Variants in RERE observed in about 807,000 individuals in gnomAD.
The protein encoded by RERE is arginine-glutamic acid dipeptide repeats protein.
A neutral mutation model predicts 146.1 loss-of-function variants in RERE; 40 were observed. The observed-to-expected ratio is 0.27, with a 90% CI of 0.21 to 0.36. The LOEUF (loss-of-function observed/expected upper bound fraction) is 0.36. Ranked by LOEUF, RERE falls within the 10% of genes least tolerant of loss-of-function variation. RERE has a pLI of 1.00. For synonymous variants in RERE, 1,003 were observed against 866.0 expected (o/e 1.16, Z -2.78); for missense variants, 1,933 against 2,138.7 (o/e 0.90, Z 1.90).
At chr1:8,554,678 CAAA>C (rs386366172) in intron 6 of RERE, among the ~76,000 whole-genome samples, 5,381 of 100,654 alleles carry the variant, frequency 0.053, 365 homozygotes, top group African/African-American at 0.19. Context: ...GATCCTGTCT[CAAA>C]AAAAAAAAAA....
At chr1:8,439,193 C>A (rs1644213331) in intron 11 of RERE, among the ~76,000 whole-genome samples, 1 of 152,240 alleles carries the variant, frequency 6.6e-6, no homozygotes, top group Non-Finnish European at 1.5e-5. Flanking sequence ...GAGAGAGCCA[C>A]TTGCCCACCT....
chr1:8,624,285 T>C (rs556538346), intron 3 of RERE, 25 bp downstream of exon 3: 25 of 1,548,262 alleles, frequency 1.6e-5, no homozygotes, highest in Non-Finnish European at 2.2e-5. Flanking sequence ...CAGAGCAGAG[T>C]GAACAGCACA....
intron 12 of RERE, among the ~76,000 whole-genome samples, chr1:8,400,860 AC>A (rs1643227018): frequency 2.8e-5 from 3 of 107,148 alleles, no homozygotes; most frequent in African/African-American, 7.0e-5. Context: ...AAAAAAAAAA[AC>A]CCAAAAATTA....
intron 12 of RERE, among the ~76,000 whole-genome samples, chr1:8,416,360 C>A (rs12023132): frequency 6.6e-6 from 1 of 151,794 alleles, no homozygotes; most frequent in Non-Finnish European, 1.5e-5. Flanking sequence ...CCAAGGCGGG[C>A]GGATCACAAG....
At chr1:8,379,402 T>C (rs995159415) in intron 12 of RERE, among the ~76,000 whole-genome samples, 12 of 152,142 alleles carry the variant, frequency 7.9e-5, no homozygotes, top group Admixed American at 7.2e-4. Context: ...CACAGCTCTG[T>C]GGTTCCAGGG....
At chr1:8,693,502 A>C (rs1639253490) in intron 1 of RERE, among the ~76,000 whole-genome samples, 2 of 152,206 alleles carry the variant, frequency 1.3e-5, no homozygotes, top group Non-Finnish European at 2.9e-5. Flanking sequence ...AAAAGACTAC[A>C]TACTGTATGA....
chr1:8,542,327 T>C (rs1645809823), intron 6 of RERE, among the ~76,000 whole-genome samples: 1 of 152,130 alleles, frequency 6.6e-6, no homozygotes, highest in Non-Finnish European at 1.5e-5. Context: ...GGACGTGGCC[T>C]CCCACTGCTT....
intron 12 of RERE, among the ~76,000 whole-genome samples, chr1:8,416,815 G>A (rs933938359): frequency 3.9e-5 from 6 of 152,060 alleles, no homozygotes; most frequent in Non-Finnish European, 7.4e-5. Context: ...TGTAAATAGC[G>A]GTGCTTCCTA....
chr1:8,583,605 C>A (rs1380357432), intron 4 of RERE, among the ~76,000 whole-genome samples: 2 of 152,126 alleles, frequency 1.3e-5, no homozygotes, highest in Admixed American at 6.5e-5. Flanking sequence ...CCCACCATAG[C>A]TCCCTGCCGG....
intron 4 of RERE, among the ~76,000 whole-genome samples, chr1:8,604,368 A>G (rs1445894573): frequency 6.6e-6 from 1 of 152,152 alleles, no homozygotes; most frequent in Non-Finnish European, 1.5e-5. Flanking sequence ...AGTTAAAAAC[A>G]AAAACTAAAA....
intron 1 of RERE, among the ~76,000 whole-genome samples, chr1:8,799,940 A>G (rs930277744): frequency 6.6e-6 from 1 of 151,926 alleles, no homozygotes; most frequent in Non-Finnish European, 1.5e-5. Context: ...CAGCCTCCCA[A>G]GTAGTTGGGA....
intron 4 of RERE, among the ~76,000 whole-genome samples, chr1:8,609,303 G>A (rs1375828982): frequency 6.6e-6 from 1 of 152,080 alleles, no homozygotes; most frequent in Non-Finnish European, 1.5e-5. Flanking sequence ...AGAGCTGAAA[G>A]CAGGCCCAGC....
intron 11 of RERE, among the ~76,000 whole-genome samples, chr1:8,464,113 GTTTC>G (rs1184082370): frequency 6.6e-6 from 1 of 152,140 alleles, no homozygotes; most frequent in African/African-American, 2.4e-5. Flanking sequence ...TGTTTAAGAT[GTTTC>G]TTTCTCTTTA....
intron 12 of RERE, among the ~76,000 whole-genome samples, chr1:8,389,625 A>T (rs1224587801): frequency 6.6e-6 from 1 of 152,212 alleles, no homozygotes; most frequent in Non-Finnish European, 1.5e-5. Context: ...AAGGGGTGGA[A>T]TTCTCTTTGG....
At chr1:8,744,053 A>T (rs1640370969) in intron 1 of RERE, among the ~76,000 whole-genome samples, 1 of 152,202 alleles carries the variant, frequency 6.6e-6, no homozygotes, top group Admixed American at 6.5e-5. Context: ...AATGAAAGAA[A>T]ATAGACAGTC....
intron 7 of RERE, among the ~76,000 whole-genome samples, chr1:8,526,602 A>C (rs923400068): frequency 6.6e-6 from 1 of 152,186 alleles, no homozygotes; most frequent in Non-Finnish European, 1.5e-5. Context: ...TATTTTCTGC[A>C]AACAGCTTAA....
intron 11 of RERE, among the ~76,000 whole-genome samples, chr1:8,436,188 G>A (rs542495680): frequency 9.2e-5 from 14 of 152,230 alleles, no homozygotes; most frequent in South Asian, 6.2e-4. Context: ...GCGTGGTGGC[G>A]TGTGCCTGTG....
At chr1:8,631,427 T>C (rs1227548697) in intron 2 of RERE, among the ~76,000 whole-genome samples, 2 of 152,130 alleles carry the variant, frequency 1.3e-5, no homozygotes, top group African/African-American at 4.8e-5. Flanking sequence ...ATAACAGTGA[T>C]GTGGATGTTT....
intron 2 of RERE, among the ~76,000 whole-genome samples, chr1:8,643,819 T>C (rs1027304786): frequency 2.0e-5 from 3 of 152,180 alleles, no homozygotes; most frequent in Non-Finnish European, 4.4e-5. Flanking sequence ...TCATTTTCAA[T>C]AGAAATGAGA....
Sources: gnomAD v4.1 joint callset for allele counts (sites outside exome capture counted in the v4.1 genomes callset) on GRCh38, gnomAD v4.1.1 for gene constraint, MANE v1.5 for transcripts, NCBI Gene and HGNC (gene_info 2026-07-23, HGNC 2026-07-21) for gene names.